The following ANKMY2 variants were observed in gnomAD, a reference collection of about 807,000 sequenced individuals.
The protein encoded by ANKMY2 is ankyrin repeat and MYND domain-containing protein 2.
ANKMY2 carries 36 observed loss-of-function variants against 50.4 expected under a neutral mutation model. The ratio of observed to expected loss-of-function variants is 0.71; its 90% CI spans 0.55 to 0.94. The LOEUF is 0.94. Ranked by LOEUF, ANKMY2 falls within the 40% of genes least tolerant of loss-of-function variation. The pLI, the probability that ANKMY2 is intolerant of heterozygous loss-of-function variation, is 0.00. For synonymous variants in ANKMY2, 187 were observed against 178.8 expected (o/e 1.05, Z -0.36); for missense variants, 565 against 524.0 (o/e 1.08, Z -0.76).
chr7:16,609,531 A>C, intron 7 of ANKMY2, 99 bp downstream of exon 7: 1 of 1,289,634 alleles, frequency 7.8e-7, no homozygotes, highest in Non-Finnish European at 1.0e-6. Flanking sequence ...ATATTCTGAA[A>C]TAATAAAAAT....
chr7:16,628,161 G>A (rs1386089825), intron 2 of ANKMY2, among the ~76,000 whole-genome samples: 1 of 152,160 alleles, frequency 6.6e-6, no homozygotes, highest in Non-Finnish European at 1.5e-5. Context: ...TAGGCGAAAC[G>A]CTGTAAGTAC....
At chr7:16,636,282 G>A (rs4721522) in intron 2 of ANKMY2, 109 bp downstream of exon 2, 94,538 of 637,960 alleles carry the variant, frequency 0.15, 7,821 homozygotes, top group Admixed American at 0.18. Context: ...CAGCCTGGGC[G>A]AAAGAGCAAC....
intron 5 of ANKMY2, among the ~76,000 whole-genome samples, chr7:16,611,372 G>T (rs1781247192): frequency 2.0e-5 from 3 of 152,134 alleles, no homozygotes; most frequent in Admixed American, 1.3e-4. Flanking sequence ...CTTTAAAGGG[G>T]AAATATTAGA....
chr7:16,637,706 T>G (rs1415920986), intron 1 of ANKMY2, among the ~76,000 whole-genome samples: 1 of 152,206 alleles, frequency 6.6e-6, no homozygotes, highest in East Asian at 1.9e-4. Context: ...CATCAGAGAC[T>G]TTCTCAAAAA....
chr7:16,602,160 A>G (rs1163762506), intron 9 of ANKMY2, among the ~76,000 whole-genome samples: 1 of 152,222 alleles, frequency 6.6e-6, no homozygotes, highest in African/African-American at 2.4e-5. Flanking sequence ...AATAAGCTAC[A>G]TCCCTCAGAA....
At chr7:16,607,516 T>C (rs567628) in intron 7 of ANKMY2, among the ~76,000 whole-genome samples, 151,603 of 152,214 alleles carry the variant, frequency 1, 75,501 homozygotes, top group East Asian at 1. Flanking sequence ...TGTAATGAGC[T>C]GAGATTGCGC....
chr7:16,606,835 T>C (rs1439849761), intron 7 of ANKMY2, among the ~76,000 whole-genome samples: 1 of 152,228 alleles, frequency 6.6e-6, no homozygotes, highest in Admixed American at 6.5e-5. Context: ...CAAATAATAA[T>C]GACTGGGTCT....
Position 16,625,060 on chromosome 7 carries a change from A to G in ANKMY2, c.293T>C (p.Val98Ala). The G allele has an allele frequency of 6.2e-7, 1 of 1,613,934 alleles. No individual in the cohort carries two copies. Among genetic ancestry groups the G allele is most frequent in the Non-Finnish European group, 8.5e-7 (1 of 1,179,870 alleles). ...TGTCTCAGCACCAGCTTCTAACATT[A>G]CCCATGTGATGTCTTTATTACCTAG... is the stretch of plus-strand genomic sequence containing the variant. ...ALSGNKDITW[V>A]MLEAGAETDV... Residue 98 changes from valine to alanine, a missense_variant, in exon 4 of 10, where the codon GTA (valine) becomes GCA (alanine). Coordinates refer to ENST00000306999, the MANE Select transcript of ANKMY2 (RefSeq NM_020319.3).
intron 4 of ANKMY2, among the ~76,000 whole-genome samples, chr7:16,622,277 A>G (rs140305308): frequency 1.6e-3 from 250 of 152,338 alleles, no homozygotes; most frequent in African/African-American, 5.8e-3. Context: ...AATACAAATT[A>G]CCAACAACAG....
chr7:16,616,385 T>G (rs1287675534), intron 4 of ANKMY2, among the ~76,000 whole-genome samples: 1 of 152,060 alleles, frequency 6.6e-6, no homozygotes, highest in Non-Finnish European at 1.5e-5. Context: ...CCCCTAAATT[T>G]GAGAAAAGCT....
chr7:16,632,584 A>G (rs1781604282), intron 2 of ANKMY2, among the ~76,000 whole-genome samples: 1 of 152,180 alleles, frequency 6.6e-6, no homozygotes, highest in African/African-American at 2.4e-5. Context: ...AAGTATCAGC[A>G]TTTCTTTCAT....
At chr7:16,636,041 C>G (rs76932827) in intron 2 of ANKMY2, among the ~76,000 whole-genome samples, 11,706 of 151,960 alleles carry the variant, frequency 0.077, 958 homozygotes, top group African/African-American at 0.2. Context: ...CGTGGTGGCT[C>G]ATGCCTATAA....
intron 1 of ANKMY2, 69 bp downstream of exon 1, chr7:16,645,438 C>G: frequency 6.8e-7 from 1 of 1,467,030 alleles, no homozygotes; most frequent in South Asian, 1.3e-5. Flanking sequence ...AGGCCAGGAG[C>G]GCCCCCCGGG....
At chr7:16,604,694 A>T in intron 8 of ANKMY2, 27 bp downstream of exon 8, 1 of 1,609,056 alleles carries the variant, frequency 6.2e-7, no homozygotes, top group African/African-American at 1.3e-5. Context: ...CCAGAGGTCA[A>T]TGAAATAAAA....
intron 2 of ANKMY2, 46 bp downstream of exon 2, chr7:16,636,345 C>G: frequency 1.2e-5 from 6 of 486,334 alleles, no homozygotes; most frequent in Non-Finnish European, 1.5e-5. Context: ...TATATTATCT[C>G]TTCTTATAGG....
At chr7:16,621,961 T>C (rs1252654055) in intron 4 of ANKMY2, among the ~76,000 whole-genome samples, 1 of 151,082 alleles carries the variant, frequency 6.6e-6, no homozygotes, top group Non-Finnish European at 1.5e-5. Flanking sequence ...AGAGTGAGAC[T>C]CCATCTCAAA....
intron 2 of ANKMY2, among the ~76,000 whole-genome samples, chr7:16,628,956 A>T (rs1162597427): frequency 6.6e-6 from 1 of 152,000 alleles, no homozygotes; most frequent in Non-Finnish European, 1.5e-5. Context: ...ACAAAACACA[A>T]AGCTTTCAAC....
intron 2 of ANKMY2, among the ~76,000 whole-genome samples, chr7:16,632,785 G>A (rs1251996127): frequency 6.6e-6 from 1 of 152,140 alleles, no homozygotes; most frequent in Non-Finnish European, 1.5e-5. Context: ...GGATTTCTGG[G>A]TCATATGGTA....
Position 16,636,469 on chromosome 7 carries a change from AAAG to A in ANKMY2, c.68-17_68-15del. ...CTTGGACAGTACCTAAAAAAAAAAA[AAAG>A]ATGAAAAGTAAGGTTATTCGTCACT... On this transcript the variant is annotated splice_polypyrimidine_tract_variant and intron_variant, in intron 1 of 9. Coordinates refer to ENST00000306999, the MANE Select transcript of ANKMY2 (RefSeq NM_020319.3). 1 of 1,569,500 alleles carries A rather than the reference AAAG, an allele frequency of 6.4e-7. No individual in the cohort carries two copies.
Sources: allele counts gnomAD v4.1 joint callset (sites outside exome capture counted in the v4.1 genomes callset), GRCh38; gene constraint gnomAD v4.1.1; transcripts MANE v1.5; gene names NCBI Gene and HGNC (gene_info 2026-07-23, HGNC 2026-07-21).